STK11: variants seen among roughly 807,000 people sequenced by gnomAD.
STK11 encodes the protein serine/threonine kinase 11.
A neutral mutation model predicts 47.3 loss-of-function variants in STK11; 8 were observed. That is an observed-to-expected ratio of 0.17 (90% CI 0.10 to 0.31). The LOEUF (loss-of-function observed/expected upper bound fraction) is 0.31. Among genes scored for constraint, STK11 ranks in the 10% least tolerant of loss-of-function variants. The pLI, the probability that STK11 is intolerant of heterozygous loss-of-function variation, is 1.00. For missense variants in STK11, 475 were observed against 605.0 expected (o/e 0.79, Z 2.25); for synonymous variants, 330 against 255.8 (o/e 1.29, Z -2.77).
intron 8 of STK11, 178 bp from the exon 9 acceptor site, chr19:1,226,276 G>A (rs2080819856): frequency 1.4e-6 from 2 of 1,431,956 alleles, no homozygotes; most frequent in Non-Finnish European, 1.8e-6. Context: ...CCCGGGGGGT[G>A]CCTCCCAGAG....
chr19:1,217,766 C>T (rs982792849), intron 1 of STK11, among the ~76,000 whole-genome samples: 8 of 152,334 alleles, frequency 5.3e-5, no homozygotes, highest in Middle Eastern at 3.4e-3. Flanking sequence ...TACTGTGTGA[C>T]GGAGCCATCA....
chr19:1,207,277 T>C (rs1413762797), intron 1 of STK11, 74 bp downstream of exon 1: 10 of 1,504,856 alleles, frequency 6.6e-6, no homozygotes, highest in Non-Finnish European at 8.9e-6. Flanking sequence ...TCCTTCCTTC[T>C]CTCCTCCCTC....
chr19:1,217,987 CA>C (rs940837956), intron 1 of STK11, among the ~76,000 whole-genome samples: 1 of 152,076 alleles, frequency 6.6e-6, no homozygotes, highest in African/African-American at 2.4e-5. Context: ...TACTAAAATA[CA>C]AAAAAATTAG....
chr19:1,226,927 TCA>T, intron 9 of STK11: 1 of 476,528 alleles, frequency 2.1e-6, no homozygotes, highest in Admixed American at 4.2e-5. Context: ...CAGCCACCTC[TCA>T]GAGTGGGTGC....
At chr19:1,224,348 C>T (rs944814566) in intron 8 of STK11, 20 of 985,308 alleles carry the variant, frequency 2.0e-5, no homozygotes, top group East Asian at 1.1e-4. Flanking sequence ...TCTGTTGGAA[C>T]GGGAGGTGCT....
At chr19:1,225,560 C>T (rs543396006) in intron 8 of STK11, 17 of 985,602 alleles carry the variant, frequency 1.7e-5, no homozygotes, top group African/African-American at 3.5e-5. Context: ...TGAGCCACCG[C>T]GACCGGCCCA....
chr19:1,217,831 C>T (rs1224298740), intron 1 of STK11, among the ~76,000 whole-genome samples: 1 of 152,194 alleles, frequency 6.6e-6, no homozygotes, highest in African/African-American at 2.4e-5. Context: ...ATCTGTGCTA[C>T]CATTGCAGTA....
intron 7 of STK11, 125 bp from the exon 8 acceptor site, chr19:1,222,860 C>G: frequency 8.6e-7 from 1 of 1,167,750 alleles, no homozygotes; most frequent in Non-Finnish European, 1.2e-6. Flanking sequence ...ACAGCCACCC[C>G]TTGCACGGCC....
intron 8 of STK11, chr19:1,223,841 G>C: frequency 9.7e-7 from 1 of 1,026,864 alleles, no homozygotes; most frequent in Non-Finnish European, 1.2e-6. Context: ...GTTCGGCCCA[G>C]GGCTGGGCCG....
chr19:1,215,133 C>T (rs2080736773), intron 1 of STK11, among the ~76,000 whole-genome samples: 1 of 152,186 alleles, frequency 6.6e-6, no homozygotes. Flanking sequence ...TCCTGAGCAG[C>T]CTGGCAGGCA....
chr19:1,226,361 G>GT, intron 8 of STK11, 93 bp from the exon 9 acceptor site: 1 of 1,536,992 alleles, frequency 6.5e-7, no homozygotes, highest in South Asian at 1.2e-5. Context: ...GGCAGCAGCT[G>GT]TAAGTGCGTC....
intron 8 of STK11, chr19:1,225,288 T>C (rs2080813074): frequency 1.0e-6 from 1 of 983,084 alleles, no homozygotes; most frequent in Non-Finnish European, 1.2e-6. Context: ...TTTTTTTTTT[T>C]TGGAGACAGA....
At chr19:1,223,196 CCG>C (rs1568712628) in intron 8 of STK11, 24 bp downstream of exon 8, 4 of 1,598,924 alleles carry the variant, frequency 2.5e-6, no homozygotes, top group Non-Finnish European at 3.4e-6. Flanking sequence ...GGGCCCCTGC[CCG>C]GCTCTGCTGA....
intron 8 of STK11, chr19:1,224,114 C>A: frequency 9.1e-6 from 9 of 991,852 alleles, no homozygotes; most frequent in Non-Finnish European, 1.1e-5. Context: ...CTCATCAAAC[C>A]CCTAGGCTCA....
intron 2 of STK11, among the ~76,000 whole-genome samples, 183 bp downstream of exon 2, chr19:1,218,683 G>A (rs986310058): frequency 1.3e-5 from 2 of 152,164 alleles, no homozygotes; most frequent in Non-Finnish European, 2.9e-5. Flanking sequence ...CTTGCTGAAA[G>A]GGGCCCTGAG....
At chr19:1,223,861 G>A in intron 8 of STK11, 1 of 1,021,896 alleles carries the variant, frequency 9.8e-7, no homozygotes, top group Non-Finnish European at 1.2e-6. Flanking sequence ...GTGTCATAAA[G>A]AGTTTTGCAG....
intron 8 of STK11, chr19:1,225,336 G>A (rs867460032): frequency 4.2e-6 from 4 of 960,068 alleles, no homozygotes; most frequent in African/African-American, 1.8e-5. Flanking sequence ...GCTGTGGTGC[G>A]ATCTCGGCTC....
At chr19:1,211,089 A>G (rs915572737) in intron 1 of STK11, among the ~76,000 whole-genome samples, 2 of 152,106 alleles carry the variant, frequency 1.3e-5, no homozygotes, top group Non-Finnish European at 2.9e-5. Flanking sequence ...AGCCTGGCCA[A>G]TATGGCGAAA....
chr19:1,221,738 C>T, intron 6 of STK11: 1 of 627,244 alleles, frequency 1.6e-6, no homozygotes. Context: ...CCAGCCCAGC[C>T]CTGTCTCCCT....
Sources: gnomAD v4.1 joint callset for allele counts (sites outside exome capture counted in the v4.1 genomes callset) on GRCh38, gnomAD v4.1.1 for gene constraint, MANE v1.5 for transcripts, NCBI Gene and HGNC (gene_info 2026-07-23, HGNC 2026-07-21) for gene names.